Variants in PLXDC2 observed in about 807,000 individuals in gnomAD.
PLXDC2 encodes the protein plexin domain-containing protein 2.
PLXDC2 carries 40 observed loss-of-function variants against 68.9 expected under a neutral mutation model. The observed-to-expected ratio is 0.58, with a 90% CI of 0.45 to 0.76. The LOEUF is 0.76. PLXDC2 is among the 30% of genes least tolerant of loss of function. PLXDC2 has a pLI of 0.00. For synonymous variants in PLXDC2, 243 were observed against 234.2 expected (o/e 1.04, Z -0.34); for missense variants, 644 against 661.9 (o/e 0.97, Z 0.30).
intron 3 of PLXDC2, among the ~76,000 whole-genome samples, chr10:20,047,471 A>C (rs553466660): frequency 6.6e-6 from 1 of 152,280 alleles, no homozygotes; most frequent in African/African-American, 2.4e-5. Flanking sequence ...ATATAGACCA[A>C]ATTATGATCT....
chr10:19,817,401 T>C (rs1337238948), intron 1 of PLXDC2, among the ~76,000 whole-genome samples: 2 of 151,928 alleles, frequency 1.3e-5, no homozygotes. Context: ...TCTTGAGGCT[T>C]TCGGGCTTAC....
chr10:19,868,785 A>G (rs752520931), intron 1 of PLXDC2, among the ~76,000 whole-genome samples: 9 of 152,278 alleles, frequency 5.9e-5, no homozygotes, highest in Non-Finnish European at 1.2e-4. Context: ...TTGACACTTT[A>G]TTCTTCTTTA....
At chr10:20,068,065 G>C in intron 3 of PLXDC2, 105 bp from the exon 4 acceptor site, 1 of 890,724 alleles carries the variant, frequency 1.1e-6, no homozygotes, top group East Asian at 2.7e-5. Flanking sequence ...CAATAATTAT[G>C]GGGTAAAGTA....
intron 13 of PLXDC2, among the ~76,000 whole-genome samples, chr10:20,256,787 G>A (rs976246341): frequency 1.3e-5 from 2 of 151,964 alleles, no homozygotes; most frequent in Non-Finnish European, 2.9e-5. Context: ...AAAATTTGAC[G>A]TAGCATGAGA....
chr10:20,123,270 A>T (rs1008683913), intron 4 of PLXDC2, among the ~76,000 whole-genome samples: 2 of 152,090 alleles, frequency 1.3e-5, no homozygotes, highest in African/African-American at 4.8e-5. Flanking sequence ...AACATTAGAA[A>T]GACTCAGAGA....
At chr10:20,061,950 G>A (rs575617758) in intron 3 of PLXDC2, among the ~76,000 whole-genome samples, 1 of 152,284 alleles carries the variant, frequency 6.6e-6, no homozygotes, top group South Asian at 2.1e-4. Context: ...AAGGAGCTAT[G>A]CTTGTTTAGG....
In PLXDC2 at chr10:20,040,722, A is replaced by C. The variant is rs76163657; in HGVS notation, c.325-6147A>C. ...CCTCACCTTTCCCAAGTTTATTAGAATTTGGAAGGGAGAAATAAAGCTTTC... is the reference window on the plus strand; with the variant it reads ...CCTCACCTTTCCCAAGTTTATTAGACTTTGGAAGGGAGAAATAAAGCTTTC... On this transcript the variant is annotated intron_variant, in intron 2 of 13. Transcript: ENST00000377252. Among the ~76,000 whole-genome samples, 328 of 152,228 alleles carry C rather than the reference A, an allele frequency of 2.2e-3. 1 individual carries two copies. The highest frequency in any genetic ancestry group is 7.7e-3 in the African/African-American group (320 of 41,546).
rs1836114350 is a variant in PLXDC2, at chr10:20,283,951, A to G, written c.*4132A>G. Reference sequence around the variant, plus strand: ...TATTCTAAGGTTAGTATCATTTATCAGTTTTTCGCAACAGATTCTTATGTT... The same window carrying G: ...TATTCTAAGGTTAGTATCATTTATCGGTTTTTCGCAACAGATTCTTATGTT... On this transcript the variant is annotated 3_prime_UTR_variant, in exon 14 of 14. Transcript: ENST00000377252. 1 of 152,178 alleles carries G rather than the reference A, an allele frequency of 6.6e-6. No homozygotes were observed. The highest frequency in any genetic ancestry group is 2.1e-4 in the South Asian group (1 of 4,830). The allele number at this position is 152,178 out of a possible 1,614,324, so 9.4% of individuals were successfully genotyped here.
chr10:20,035,944 C>T (rs113185031), intron 2 of PLXDC2, among the ~76,000 whole-genome samples: 2,689 of 152,132 alleles, frequency 0.018, 76 homozygotes, highest in African/African-American at 0.061. Flanking sequence ...AAGTCAGTTA[C>T]CAATTTTTTG....
chr10:19,823,230 A>G lies in PLXDC2; in HGVS notation c.112+6039A>G, dbSNP rs561054139. ...AATTTAATATCTTAAAATATGATAT[A>G]CATATATATGTACATATGCATACAT... On this transcript the variant is annotated intron_variant, in intron 1 of 13. Transcript: ENST00000377252. Among the ~76,000 whole-genome samples, 5 of 152,272 alleles carry G rather than the reference A, an allele frequency of 3.3e-5. No homozygotes were observed. In the East Asian group the frequency reaches 9.7e-4, roughly 29 times the overall value.
At chr10:19,906,052 G>A (rs547855753) in intron 1 of PLXDC2, among the ~76,000 whole-genome samples, 11 of 152,172 alleles carry the variant, frequency 7.2e-5, no homozygotes, top group African/African-American at 2.2e-4. Flanking sequence ...TTCTAGTGAT[G>A]TGAAACAGAC....
intron 1 of PLXDC2, among the ~76,000 whole-genome samples, chr10:19,820,428 G>A (rs1836442064): frequency 6.6e-6 from 1 of 150,478 alleles, no homozygotes; most frequent in Non-Finnish European, 1.5e-5. Context: ...TCAGGAGATC[G>A]AGACCATCCT....
intron 12 of PLXDC2, among the ~76,000 whole-genome samples, chr10:20,231,916 C>T (rs1835370469): frequency 6.6e-6 from 1 of 151,840 alleles, no homozygotes; most frequent in African/African-American, 2.4e-5. Flanking sequence ...ATGTGGGAGG[C>T]CCAAGTCAGG....
chr10:20,141,104 T>G (rs1368110334), intron 4 of PLXDC2, among the ~76,000 whole-genome samples: 1 of 152,144 alleles, frequency 6.6e-6, no homozygotes, highest in Admixed American at 6.5e-5. Flanking sequence ...ACTTACTTCT[T>G]TGGAAACAAT....
chr10:20,056,081 C>T (rs1835992992), intron 3 of PLXDC2, among the ~76,000 whole-genome samples: 1 of 152,074 alleles, frequency 6.6e-6, no homozygotes, highest in Non-Finnish European at 1.5e-5. Context: ...CCCTAAATTC[C>T]CTGTCAATTT....
intron 1 of PLXDC2, among the ~76,000 whole-genome samples, chr10:19,845,834 G>A (rs772611344): frequency 1.3e-5 from 2 of 152,140 alleles, no homozygotes; most frequent in Non-Finnish European, 2.9e-5. Context: ...CATTGCCATG[G>A]AAAAGGGGCA....
intron 1 of PLXDC2, among the ~76,000 whole-genome samples, chr10:19,826,659 G>T (rs1836576332): frequency 6.6e-6 from 1 of 152,130 alleles, no homozygotes; most frequent in Admixed American, 6.5e-5. Context: ...ACTAGCATAG[G>T]ATATTATATA....
intron 2 of PLXDC2, among the ~76,000 whole-genome samples, chr10:20,018,154 G>A (rs2358658): frequency 0.61 from 92,008 of 152,014 alleles, 28,390 homozygotes; most frequent in Non-Finnish European, 0.66. Flanking sequence ...CATCTCTCCA[G>A]TGGGCCCCCA....
chr10:19,934,700 C>A lies in PLXDC2; in HGVS notation c.113-67075C>A, dbSNP rs11011687. On this transcript the variant is annotated intron_variant, in intron 1 of 13. Transcript: ENST00000377252. ...TTGTGGTATAGTTGATTAAAATAAACACAGTGTTCTAGTTTAGCAGTGCTT... is the reference window on the plus strand; with the variant it reads ...TTGTGGTATAGTTGATTAAAATAAAAACAGTGTTCTAGTTTAGCAGTGCTT... Among the ~76,000 whole-genome samples, 505 of 152,306 alleles carry A rather than the reference C, an allele frequency of 3.3e-3. 6 individuals are homozygous for A. The highest frequency in any genetic ancestry group is 0.031 in the East Asian group (162 of 5,166).
Sources: gnomAD v4.1 joint callset for allele counts (sites outside exome capture counted in the v4.1 genomes callset) on GRCh38, gnomAD v4.1.1 for gene constraint, MANE v1.5 for transcripts, NCBI Gene and HGNC (gene_info 2026-07-23, HGNC 2026-07-21) for gene names.